The following MTHFD2L variants were observed in gnomAD, a reference collection of about 807,000 sequenced individuals.
MTHFD2L encodes bifunctional methylenetetrahydrofolate dehydrogenase/cyclohydrolase 2, mitochondrial.
MTHFD2L carries 29 observed loss-of-function variants against 34.9 expected under a neutral mutation model. That is an observed-to-expected ratio of 0.83 (90% CI 0.62 to 1.13). MTHFD2L has a LOEUF of 1.13. Ranked by LOEUF, MTHFD2L falls within the 50% of genes most tolerant of loss-of-function variation. MTHFD2L has a pLI of 0.00. For synonymous variants in MTHFD2L, 167 were observed against 155.7 expected (o/e 1.07, Z -0.54); for missense variants, 481 against 446.5 (o/e 1.08, Z -0.70).
rs1005235381 is a variant in MTHFD2L, at chr4:74,178,692, G to A, written c.451+3289G>A. ...CCAAAAAGCCAATAATGCCAAAATT[G>A]TGGCTAACATTTATTACATTATGAC... On this transcript the variant is annotated intron_variant, in intron 3 of 7. Coordinates refer to ENST00000325278, the MANE Select transcript of MTHFD2L (RefSeq NM_001144978.3). Among the ~76,000 whole-genome samples, 5 of 152,000 alleles carry A rather than the reference G, an allele frequency of 3.3e-5. No individual in the cohort carries two copies. In the East Asian group the frequency reaches 9.6e-4, roughly 29 times the overall value.
At chr4:74,273,846 C>T (rs950883274) in intron 6 of MTHFD2L, among the ~76,000 whole-genome samples, 4 of 152,114 alleles carry the variant, frequency 2.6e-5, no homozygotes, top group Admixed American at 2.6e-4. Flanking sequence ...AGGTGCAAAC[C>T]TCACACGTGC....
chr4:74,167,884 T>TA (rs1727075122), intron 1 of MTHFD2L, among the ~76,000 whole-genome samples: 2 of 152,188 alleles, frequency 1.3e-5, no homozygotes, highest in Admixed American at 6.5e-5. Flanking sequence ...TCAGAAATGT[T>TA]AGAGTCATGT....
chr4:74,257,682 T>C (rs1457632481), intron 6 of MTHFD2L, among the ~76,000 whole-genome samples: 1 of 152,128 alleles, frequency 6.6e-6, no homozygotes, highest in Non-Finnish European at 1.5e-5. Flanking sequence ...GGACTTTGGT[T>C]TGGGCATTAG....
chr4:74,233,034 A>C (rs1010682691), intron 6 of MTHFD2L, among the ~76,000 whole-genome samples: 3 of 80,296 alleles, frequency 3.7e-5, no homozygotes, highest in African/African-American at 9.2e-5. Context: ...TTTCTTAGTA[A>C]TTATTACTTA....
intron 1 of MTHFD2L, among the ~76,000 whole-genome samples, chr4:74,142,460 T>C (rs1461179097): frequency 6.6e-6 from 1 of 152,094 alleles, no homozygotes; most frequent in African/African-American, 2.4e-5. Flanking sequence ...AAGTCAGAAG[T>C]CTGTAACCTA....
At chr4:74,219,778 T>C (rs1429149579) in intron 5 of MTHFD2L, among the ~76,000 whole-genome samples, 1 of 152,078 alleles carries the variant, frequency 6.6e-6, no homozygotes, top group African/African-American at 2.4e-5. Flanking sequence ...CTTTCCATGG[T>C]TAATATTGGT....
At chr4:74,118,042 C>T (rs1721684676) in intron 2 of MTHFD2L, among the ~76,000 whole-genome samples, 1 of 152,196 alleles carries the variant, frequency 6.6e-6, no homozygotes, top group South Asian at 2.1e-4. Context: ...ATCCTATTTA[C>T]TGTTGTACTT....
chr4:74,268,126 A>G, intron 6 of MTHFD2L: 1 of 984,636 alleles, frequency 1.0e-6, no homozygotes, highest in Non-Finnish European at 1.2e-6. Context: ...GGTTGTAAAC[A>G]CTTTTTGAGG....
intron 1 of MTHFD2L, among the ~76,000 whole-genome samples, chr4:74,138,165 G>T (rs1343160632): frequency 1.3e-5 from 2 of 151,974 alleles, no homozygotes; most frequent in Non-Finnish European, 2.9e-5. Context: ...TCTTGTTAGG[G>T]TTAGACAATG....
chr4:74,273,822 G>T lies in MTHFD2L; in HGVS notation c.806-7603G>T, dbSNP rs1297376661. 2.0e-5 allele frequency among the ~76,000 whole-genome samples: 3 copies of T among 152,104 alleles called. No homozygotes were observed. In the East Asian group the frequency reaches 5.8e-4, roughly 29 times the overall value. ...TGCCTCAGCCCCCCATGGCCTGATG[G>T]CTGGGCCTTCTCCAGGTGCAAACCT... is the stretch of plus-strand genomic sequence containing the variant. On this transcript the variant is annotated intron_variant, in intron 6 of 7. Coordinates refer to ENST00000325278, the MANE Select transcript of MTHFD2L (RefSeq NM_001144978.3).
chr4:74,249,768 G>T (rs985591836), intron 6 of MTHFD2L, among the ~76,000 whole-genome samples: 27 of 152,026 alleles, frequency 1.8e-4, no homozygotes, highest in African/African-American at 6.0e-4. Context: ...ATGAAATTCT[G>T]GGTTGAAAAT....
intron 7 of MTHFD2L, among the ~76,000 whole-genome samples, chr4:74,284,782 C>G (rs1027864952): frequency 1.3e-5 from 2 of 152,034 alleles, no homozygotes; most frequent in South Asian, 4.1e-4. Flanking sequence ...GTCAGTGTGG[C>G]GATTCCTCAG....
intron 6 of MTHFD2L, 101 bp from the exon 7 acceptor site, chr4:74,281,324 C>CGTGTGTGTGTGTGTGTGTGTGTGTGTGT (rs3832298): frequency 4.0e-6 from 3 of 755,830 alleles, no homozygotes; most frequent in African/African-American, 4.0e-5. Context: ...ATTACACATA[C>CGTGTGTGTGTGTGTGTGTGTGTGTGTGT]GTGTGTGTGT....
chr4:74,290,641 T>C (rs1363446870), intron 7 of MTHFD2L, among the ~76,000 whole-genome samples: 1 of 141,164 alleles, frequency 7.1e-6, no homozygotes, highest in Admixed American at 7.0e-5. Context: ...GGTGAAAGAC[T>C]GTGTGTGTGT....
intron 1 of MTHFD2L, among the ~76,000 whole-genome samples, chr4:74,129,537 A>G (rs1403645591): frequency 1.3e-5 from 2 of 152,210 alleles, no homozygotes; most frequent in African/African-American, 4.8e-5. Context: ...AAAACCAATT[A>G]GAAGAAAGAC....
rs1243954410 is a variant in MTHFD2L, at chr4:74,175,414, C to A, written c.451+11C>A. ...AGTTACCACTACCAGGTACATAATG[C>A]TCCTCTTATTTATCTGATTTTGTTA... On this transcript the variant is annotated intron_variant, in intron 3 of 7. Coordinates refer to ENST00000325278, the MANE Select transcript of MTHFD2L (RefSeq NM_001144978.3). 4.4e-6 allele frequency: 7 copies of A among 1,599,646 alleles called. No homozygotes were observed. The highest frequency in any genetic ancestry group is 5.1e-6 in the Non-Finnish European group (6 of 1,174,794).
At chr4:74,250,675 T>C (rs1032769621) in intron 6 of MTHFD2L, among the ~76,000 whole-genome samples, 3 of 152,224 alleles carry the variant, frequency 2.0e-5, no homozygotes, top group Admixed American at 6.5e-5. Context: ...TTGCTAATGA[T>C]ATTTTTGAGA....
upstream of MTHFD2L, among the ~76,000 whole-genome samples, chr4:74,121,017 T>C (rs906963822): frequency 2.0e-5 from 3 of 152,222 alleles, no homozygotes; most frequent in Admixed American, 2.0e-4. Flanking sequence ...AGTGGAATTA[T>C]GGGGGCAACA....
intron 7 of MTHFD2L, among the ~76,000 whole-genome samples, chr4:74,282,711 A>G (rs1747659246): frequency 6.6e-6 from 1 of 152,150 alleles, no homozygotes; most frequent in African/African-American, 2.4e-5. Context: ...AAATAAGAGC[A>G]AAGTACAGAT....
Sources: allele counts gnomAD v4.1 joint callset (sites outside exome capture counted in the v4.1 genomes callset), GRCh38; gene constraint gnomAD v4.1.1; transcripts MANE v1.5; gene names NCBI Gene and HGNC (gene_info 2026-07-23, HGNC 2026-07-21).